Variants in RBFOX3 observed in about 807,000 individuals in gnomAD.
The protein encoded by RBFOX3 is RNA binding fox-1 homolog 3.
In RBFOX3, 17 loss-of-function variants were observed where a neutral mutation model predicts 48.7. The ratio of observed to expected loss-of-function variants is 0.35; its 90% CI spans 0.24 to 0.52. The LOEUF (loss-of-function observed/expected upper bound fraction) is 0.52, where lower values mean the gene tolerates loss of function less well. RBFOX3 is among the 20% of genes least tolerant of loss of function. The pLI, the probability that RBFOX3 is intolerant of heterozygous loss-of-function variation, is 0.94. For synonymous variants in RBFOX3, 212 were observed against 209.5 expected (o/e 1.01, Z -0.10); for missense variants, 382 against 497.5 (o/e 0.77, Z 2.21).
At chr17:79,126,514 T>A (rs2037333631) in intron 4 of RBFOX3, among the ~76,000 whole-genome samples, 1 of 152,110 alleles carries the variant, frequency 6.6e-6, no homozygotes, top group Non-Finnish European at 1.5e-5. Flanking sequence ...TCCCTGATGA[T>A]GGCTGGATCA....
At chr17:79,129,409 G>GT (rs150576891) in intron 4 of RBFOX3, among the ~76,000 whole-genome samples, 5,169 of 145,584 alleles carry the variant, frequency 0.036, 669 homozygotes, top group Middle Eastern at 0.1. Flanking sequence ...CCAATCCGGA[G>GT]TAAGAGGGTG....
At position 79,568,373 on chromosome 17, in the gene RBFOX3, T is replaced by C. The variant is rs1007186348; in HGVS notation, c.-320+42453A>G. Reference sequence around the variant, plus strand: ...TAAAACTTTGTGAGCACTGACATGATGCTCAAAGCAAATGCTCACTGGAGC... The same window carrying C: ...TAAAACTTTGTGAGCACTGACATGACGCTCAAAGCAAATGCTCACTGGAGC... On this transcript the variant is annotated intron_variant, in intron 1 of 14. Transcript: ENST00000693108. Among the ~76,000 whole-genome samples, 41 of 152,350 alleles carry C rather than the reference T, an allele frequency of 2.7e-4. 1 individual carries two copies. In the East Asian group the frequency reaches 6.9e-3, roughly 26 times the overall value.
At chr17:79,439,281 A>G (rs2070303752) in intron 2 of RBFOX3, among the ~76,000 whole-genome samples, 1 of 152,228 alleles carries the variant, frequency 6.6e-6, no homozygotes, top group Non-Finnish European at 1.5e-5. Flanking sequence ...GCCCCTCCCC[A>G]GCCCTCCTGA....
At chr17:79,630,801 G>A in the RBFOX3 span, among the ~76,000 whole-genome samples, 1 of 152,108 alleles carries the variant, frequency 6.6e-6, no homozygotes, top group Non-Finnish European at 1.5e-5. Flanking sequence ...TCAAAATAAT[G>A]CAGCGGGTCT....
intron 2 of RBFOX3, among the ~76,000 whole-genome samples, chr17:79,460,077 A>C (rs1555747808): frequency 1.3e-5 from 2 of 152,122 alleles, no homozygotes; most frequent in Non-Finnish European, 2.9e-5. Context: ...CAGAATGCAG[A>C]GGGGCAGTTG....
chr17:79,348,250 A>G (rs896379343), intron 2 of RBFOX3, among the ~76,000 whole-genome samples: 2 of 152,198 alleles, frequency 1.3e-5, no homozygotes, highest in Admixed American at 6.5e-5. Flanking sequence ...GCTGTGCTGT[A>G]TTAACACCTG....
intron 2 of RBFOX3, among the ~76,000 whole-genome samples, chr17:79,431,625 C>T (rs2068475916): frequency 6.6e-6 from 1 of 151,998 alleles, no homozygotes; most frequent in African/African-American, 2.4e-5. Context: ...GCTGGGATTA[C>T]AGGCATATGC....
chr17:79,295,427 G>C (rs929390332), intron 3 of RBFOX3, among the ~76,000 whole-genome samples: 22 of 152,270 alleles, frequency 1.4e-4, no homozygotes, highest in Non-Finnish European at 1.2e-4. Context: ...AGCGAGGGAG[G>C]GATGCCTGCC....
intron 1 of RBFOX3, among the ~76,000 whole-genome samples, chr17:79,595,266 G>C (rs1157339230): frequency 6.6e-6 from 1 of 152,178 alleles, no homozygotes. Flanking sequence ...GCTCCCTGGA[G>C]AGCAGACTTG....
chr17:79,158,903 C>T (rs146152612), intron 4 of RBFOX3, among the ~76,000 whole-genome samples: 64 of 152,292 alleles, frequency 4.2e-4, no homozygotes, highest in Middle Eastern at 6.8e-3. Context: ...TGGACTCTCA[C>T]GGCTTCCAGG....
intron 4 of RBFOX3, among the ~76,000 whole-genome samples, chr17:79,207,615 C>T (rs2057689382): frequency 6.6e-6 from 1 of 152,246 alleles, no homozygotes; most frequent in Admixed American, 6.5e-5. Flanking sequence ...TTTCTTGGGA[C>T]AAGCTCCAGG....
At chr17:79,094,261 TC>T (rs1487062631) in intron 14 of RBFOX3, 189 bp downstream of exon 14, 9 of 482,112 alleles carry the variant, frequency 1.9e-5, no homozygotes, top group Non-Finnish European at 2.9e-5. Context: ...TCAACCTGCT[TC>T]CCCGCAACTG....
chr17:79,205,893 A>T lies in RBFOX3; in HGVS notation c.-34+29873T>A, dbSNP rs527498925. ...GCTTTTACATAGGAAGGACAGCAAT[A>T]CACATTTCCTATCTTGCTGCAAGGC... On this transcript the variant is annotated intron_variant, in intron 4 of 14. Coordinates refer to ENST00000693108, the MANE Select transcript of RBFOX3 (RefSeq NM_001350451.2). The surrounding 1 kb of genome is among the most constrained non-coding windows in gnomAD (Gnocchi z 4.5). Among the ~76,000 whole-genome samples the T allele has an allele frequency of 7.9e-5, 12 of 151,478 alleles. No individual in the cohort carries two copies. The highest frequency in any genetic ancestry group is 2.9e-4 in the African/African-American group (12 of 41,212).
chr17:79,180,557 T>A (rs1282250349), intron 4 of RBFOX3, among the ~76,000 whole-genome samples: 3 of 152,088 alleles, frequency 2.0e-5, no homozygotes, highest in African/African-American at 7.2e-5. Context: ...CCTGGCCGGG[T>A]ATGGCCCTAG....
the RBFOX3 span, among the ~76,000 whole-genome samples, chr17:79,655,978 T>C: frequency 6.1e-3 from 922 of 152,184 alleles, 12 homozygotes; most frequent in African/African-American, 0.021. Flanking sequence ...TTGCAGGCCT[T>C]CCAGAATGGC....
At chr17:79,487,570 G>A (rs1342580970) in intron 1 of RBFOX3, among the ~76,000 whole-genome samples, 4 of 152,114 alleles carry the variant, frequency 2.6e-5, no homozygotes, top group South Asian at 4.2e-4. Flanking sequence ...CACAGTAGGC[G>A]CTCAGCAGTT....
At chr17:79,124,393 C>G (rs1316390313) in intron 4 of RBFOX3, among the ~76,000 whole-genome samples, 1 of 152,250 alleles carries the variant, frequency 6.6e-6, no homozygotes, top group Admixed American at 6.5e-5. Context: ...CTGCACTCGA[C>G]ATTTTAAAAT....
chr17:79,374,270 G>A (rs1490925345), intron 2 of RBFOX3, among the ~76,000 whole-genome samples: 2 of 152,182 alleles, frequency 1.3e-5, no homozygotes, highest in Non-Finnish European at 2.9e-5. Flanking sequence ...AAGTAAAGAC[G>A]AGAAGCCGCA....
intron 2 of RBFOX3, among the ~76,000 whole-genome samples, chr17:79,356,355 T>TG (rs2085024717): frequency 3.9e-5 from 2 of 51,032 alleles, no homozygotes; most frequent in East Asian, 7.6e-4. Flanking sequence ...GAAGTTTTTT[T>TG]TTTTTTTTTT....
Sources: gnomAD v4.1 joint callset for allele counts (sites outside exome capture counted in the v4.1 genomes callset) on GRCh38, gnomAD v4.1.1 for gene constraint, Gnocchi (gnomAD v3.1) non-coding constraint, MANE v1.5 for transcripts, NCBI Gene and HGNC (gene_info 2026-07-23, HGNC 2026-07-21) for gene names.